Variants in STX8 observed in about 807,000 individuals in gnomAD.
STX8 encodes syntaxin 8, also known as syntaxin-8.
Under a neutral mutation model 37.5 loss-of-function variants are expected in STX8, and 23 were observed. The observed-to-expected ratio is 0.61, with a 90% confidence interval of 0.44 to 0.87. The LOEUF (loss-of-function observed/expected upper bound fraction) is 0.87. STX8 is among the 40% of genes least tolerant of loss of function. The pLI, the probability that STX8 is intolerant of heterozygous loss-of-function variation, is 0.00. For synonymous variants in STX8, 115 were observed against 99.1 expected, an observed-to-expected ratio of 1.16 and a Z score of -0.95; for missense variants, 313 against 284.7, an observed-to-expected ratio of 1.10 and a Z score of -0.71.
intron 6 of STX8, among the ~76,000 whole-genome samples, chr17:9,479,638 A>G (rs1017423137): frequency 1.3e-5 from 2 of 149,180 alleles, no homozygotes; most frequent in African/African-American, 4.9e-5. Context: ...TAATATATAT[A>G]AATTATATGC....
intron 6 of STX8, among the ~76,000 whole-genome samples, chr17:9,440,837 A>T (rs1021345373): frequency 2.6e-5 from 4 of 151,186 alleles, no homozygotes; most frequent in African/African-American, 9.8e-5. Context: ...ATTTTTTTTT[A>T]AACCACAGTT....
intron 6 of STX8, among the ~76,000 whole-genome samples, chr17:9,421,996 C>T (rs946364699): frequency 3.4e-4 from 52 of 152,204 alleles, no homozygotes; most frequent in African/African-American, 1.3e-3. Context: ...TCTTCTGCCA[C>T]GATTCTAAGC....
chr17:9,451,663 ATATT>A (rs1021754442), intron 6 of STX8, among the ~76,000 whole-genome samples: 6 of 152,164 alleles, frequency 3.9e-5, no homozygotes, highest in East Asian at 1.9e-4. Flanking sequence ...TAAAAAATGA[ATATT>A]TAAAGAAAAA....
At chr17:9,321,033 A>G (rs1909559374) in intron 7 of STX8, among the ~76,000 whole-genome samples, 2 of 152,034 alleles carry the variant, frequency 1.3e-5, no homozygotes, top group Admixed American at 1.3e-4. Context: ...GAGACGAGAG[A>G]AGAGGTAGAA....
At chr17:9,571,196 C>T (rs1029582796) in intron 1 of STX8, among the ~76,000 whole-genome samples, 19 of 152,160 alleles carry the variant, frequency 1.2e-4, no homozygotes, top group Non-Finnish European at 1.8e-4. Context: ...GGTGTCCTGA[C>T]TCCAGTCCTT....
chr17:9,485,492 A>G (rs1222727131), intron 6 of STX8, among the ~76,000 whole-genome samples: 1 of 152,232 alleles, frequency 6.6e-6, no homozygotes, highest in Admixed American at 6.5e-5. Flanking sequence ...CAAATCAGAA[A>G]GAAAAACAAT....
chr17:9,427,062 T>G (rs1013041751), intron 6 of STX8, among the ~76,000 whole-genome samples: 2 of 152,172 alleles, frequency 1.3e-5, no homozygotes, highest in Non-Finnish European at 2.9e-5. Flanking sequence ...TCCTATTTGC[T>G]CGGTTGGAAG....
At chr17:9,269,272 G>A (rs375440449) in intron 7 of STX8, among the ~76,000 whole-genome samples, 7 of 152,076 alleles carry the variant, frequency 4.6e-5, no homozygotes, top group Non-Finnish European at 1.0e-4. Flanking sequence ...CATCTGGAGC[G>A]TCACTTCTGA....
intron 4 of STX8, among the ~76,000 whole-genome samples, chr17:9,525,201 T>C (rs552911379): frequency 2.2e-4 from 34 of 152,296 alleles, no homozygotes; most frequent in South Asian, 4.1e-4. Context: ...TGCAATCAGC[T>C]GGGCACCAAT....
At chr17:9,521,758 A>G (rs1905345302) in intron 4 of STX8, among the ~76,000 whole-genome samples, 1 of 152,236 alleles carries the variant, frequency 6.6e-6, no homozygotes, top group South Asian at 2.1e-4. Context: ...GATACTCAAA[A>G]TATTTTTTGT....
intron 5 of STX8, among the ~76,000 whole-genome samples, chr17:9,494,324 T>C (rs1393220489): frequency 6.7e-6 from 1 of 149,970 alleles, no homozygotes; most frequent in Non-Finnish European, 1.5e-5. Flanking sequence ...CCCCATGATA[T>C]GTTCTTAAGT....
chr17:9,525,210 A>T (rs1656472900), intron 4 of STX8, among the ~76,000 whole-genome samples: 1 of 152,206 alleles, frequency 6.6e-6, no homozygotes, highest in South Asian at 2.1e-4. Context: ...CTGGGCACCA[A>T]TGTGCAGACT....
intron 6 of STX8, among the ~76,000 whole-genome samples, chr17:9,399,048 C>CAAA: frequency 1.2e-5 from 1 of 85,612 alleles, no homozygotes. Context: ...GACTCCAGCT[C>CAAA]AAAAAAAAAA....
chr17:9,256,758 G>A (rs920546976), intron 7 of STX8, among the ~76,000 whole-genome samples: 1 of 152,186 alleles, frequency 6.6e-6, no homozygotes, highest in African/African-American at 2.4e-5. Flanking sequence ...CCAGTTTCAG[G>A]GGCGCAGCCG....
rs1052988848 is a variant in STX8 at position 9,526,477 on chromosome 17, G to C, written c.323+18695C>G. Among the ~76,000 whole-genome samples the C allele has an allele frequency of 7.2e-5, 11 of 152,014 alleles. No homozygotes were observed. The East Asian group carries it at 1.5e-3, about 21-fold the overall frequency. Reference sequence around the variant, plus strand: ...GACTGTAATATATCAAAAATTGCTCGGTAAACAGAGAAGAGAAAGAGGGAG... The same window carrying C: ...GACTGTAATATATCAAAAATTGCTCCGTAAACAGAGAAGAGAAAGAGGGAG... On this transcript the variant is annotated intron_variant, in intron 4 of 7. Coordinates refer to ENST00000306357, the MANE Select transcript of STX8 (RefSeq NM_004853.3).
chr17:9,492,168 T>C (rs549141167), intron 5 of STX8, among the ~76,000 whole-genome samples: 1 of 152,256 alleles, frequency 6.6e-6, no homozygotes, highest in East Asian at 1.9e-4. Context: ...AACATGAACA[T>C]TTAAACTTTC....
chr17:9,309,114 AAAC>A (rs1909102309), intron 7 of STX8, among the ~76,000 whole-genome samples: 1 of 152,160 alleles, frequency 6.6e-6, no homozygotes, highest in Admixed American at 6.5e-5. Flanking sequence ...GAAAAAAAGA[AAAC>A]AAGAACCTTC....
At chr17:9,534,052 T>C (rs1003478058) in intron 4 of STX8, among the ~76,000 whole-genome samples, 1 of 152,122 alleles carries the variant, frequency 6.6e-6, no homozygotes, top group Admixed American at 6.5e-5. Flanking sequence ...CAGGAAGCAT[T>C]TCATTGCTCT....
At chr17:9,548,003 G>C (rs1027954331) in intron 3 of STX8, among the ~76,000 whole-genome samples, 7 of 151,920 alleles carry the variant, frequency 4.6e-5, no homozygotes, top group Non-Finnish European at 8.8e-5. Context: ...ATGTTGGCCA[G>C]GCTGGTCTCA....
Sources: gnomAD v4.1 joint callset for allele counts (sites outside exome capture counted in the v4.1 genomes callset) on GRCh38, gnomAD v4.1.1 for gene constraint, MANE v1.5 for transcripts, NCBI Gene and HGNC (gene_info 2026-07-23, HGNC 2026-07-21) for gene names.